Variants in VPS13A observed in about 807,000 individuals in gnomAD.
VPS13A encodes vacuolar protein sorting 13 homolog A, also known as intermembrane lipid transfer protein VPS13A.
A neutral mutation model predicts 390.9 loss-of-function variants in VPS13A; 264 were observed. That is an observed-to-expected ratio of 0.68 (90% confidence interval 0.61 to 0.75). VPS13A has a LOEUF of 0.75. Ranked by LOEUF, VPS13A falls within the 30% of genes least tolerant of loss-of-function variation. VPS13A has a pLI of 0.00. For missense variants in VPS13A, 3,409 were observed against 3,733.9 expected, an observed-to-expected ratio of 0.91 and a Z score of 2.27; for synonymous variants, 1,231 against 1,227.1, an observed-to-expected ratio of 1.00 and a Z score of -0.07.
intron 19 of VPS13A, among the ~76,000 whole-genome samples, chr9:77,246,894 A>G (rs1462910669): frequency 5.3e-5 from 8 of 152,166 alleles, no homozygotes; most frequent in African/African-American, 1.9e-4. Context: ...TGGTAAATGT[A>G]GCTTATGAAG....
intron 68 of VPS13A, among the ~76,000 whole-genome samples, chr9:77,399,843 T>C (rs1205931744): frequency 1.3e-5 from 2 of 152,354 alleles, no homozygotes. Context: ...ACTGCTTATA[T>C]GCACAGATAC....
rs1372970497 is a variant in VPS13A, at chr9:77,407,608, G to A, written c.9474+1G>A. 2 of 1,606,902 alleles carry A rather than the reference G, an allele frequency of 1.2e-6. No individual in the cohort carries two copies. The highest frequency in any genetic ancestry group is 2.2e-5 in the South Asian group (2 of 90,792). ...CTTCAAGACCCCAGAGGATGCCAGG[G>A]TAAATATAATAAATCTTTTATTTAA... is the stretch of plus-strand genomic sequence containing the variant. On this transcript the variant is annotated splice_donor_variant, in intron 71 of 71. Transcript: ENST00000360280. LOFTEE classifies it high-confidence loss of function.
In VPS13A at chr9:77,416,450, A is replaced by T. The variant is rs1835172938; in HGVS notation, c.*444A>T. 5.9e-6 allele frequency: 1 copy of T among 168,918 alleles called. No homozygotes were observed. Among genetic ancestry groups the T allele is most frequent in the Non-Finnish European group, 1.3e-5 (1 of 77,642 alleles). 10.5% of individuals were successfully genotyped at this position (168,918 alleles called of 1,614,324 possible). ...CCCTGAGTGATGGGTAAGAAATCAA[A>T]CATTGCCTCAGTGGTATCAAGAGAA... On this transcript the variant is annotated 3_prime_UTR_variant, in exon 72 of 72. Transcript: ENST00000360280.
intron 50 of VPS13A, among the ~76,000 whole-genome samples, chr9:77,343,907 G>C: frequency 6.6e-6 from 1 of 151,934 alleles, no homozygotes. Flanking sequence ...CTCTTTTCTC[G>C]CCAGCAGTTC....
intron 24 of VPS13A, 151 bp downstream of exon 24, chr9:77,273,515 A>T: frequency 1.6e-6 from 1 of 636,926 alleles, no homozygotes; most frequent in East Asian, 2.8e-5. Context: ...TGAATGGAAG[A>T]CAGATTAACA....
Position 77,421,418 on chromosome 9 carries a change from C to T in VPS13A, c.*5412C>T, listed in dbSNP as rs1041950192. The T allele has an allele frequency of 2.0e-5, 3 of 152,194 alleles. No homozygotes were observed. The highest frequency in any genetic ancestry group is 6.5e-5 in the Admixed American group (1 of 15,272). The allele number at this position is 152,194 out of a possible 1,614,324, so 9.4% of individuals were successfully genotyped here. On this transcript the variant is annotated 3_prime_UTR_variant, in exon 72 of 72. Transcript: ENST00000360280. ...TCTAAAAATTGGTTGGCCATGCTCA[C>T]TAATGATTTTTTTTCTTAACAATAA... is the stretch of plus-strand genomic sequence containing the variant.
intron 19 of VPS13A, among the ~76,000 whole-genome samples, chr9:77,241,668 C>G (rs185970939): frequency 1.3e-5 from 2 of 152,172 alleles, no homozygotes; most frequent in African/African-American, 2.4e-5. Context: ...GGAGAATTCT[C>G]TGAAGCCTGA....
Position 77,314,058 on chromosome 9 carries a change from T to TA in VPS13A, c.4184dup (p.Asn1395LysfsTer7). On this transcript the variant is annotated frameshift_variant, in exon 36 of 72. Coordinates refer to ENST00000360280, the MANE Select transcript of VPS13A (RefSeq NM_033305.3). LOFTEE classifies it high-confidence loss of function. Reference sequence around the variant, plus strand: ...CGTGCCTTACTAGTTAAGACAACACTAAACATAAGCTTCAAAACTGATGAT... The same window carrying TA: ...CGTGCCTTACTAGTTAAGACAACACTAAAACATAAGCTTCAAAACTGATGAT... 1 of 1,613,462 alleles carries TA rather than the reference T, an allele frequency of 6.2e-7. No homozygotes were observed. The highest frequency in any genetic ancestry group is 1.1e-5 in the South Asian group (1 of 91,040).
intron 71 of VPS13A, among the ~76,000 whole-genome samples, chr9:77,410,820 C>T (rs1222752799): frequency 6.6e-6 from 1 of 152,158 alleles, no homozygotes; most frequent in Non-Finnish European, 1.5e-5. Context: ...TACAAAGAGA[C>T]TTAGACTCCC....
chr9:77,358,267 T>G, intron 56 of VPS13A, 90 bp from the exon 57 acceptor site: 3 of 1,218,682 alleles, frequency 2.5e-6, no homozygotes, highest in Non-Finnish European at 3.6e-6. Context: ...CCGCTAGACT[T>G]TTTGATTCTT....
chr9:77,254,319 C>T (rs1362057442), intron 22 of VPS13A, among the ~76,000 whole-genome samples: 3 of 152,154 alleles, frequency 2.0e-5, no homozygotes, highest in African/African-American at 4.8e-5. Flanking sequence ...ATTGAATGGC[C>T]TTGGTACCCT....
At chr9:77,339,999 A>T in intron 48 of VPS13A, 88 bp downstream of exon 48, 1 of 1,498,282 alleles carries the variant, frequency 6.7e-7, no homozygotes, top group Non-Finnish European at 9.1e-7. Flanking sequence ...ATATTATGAA[A>T]CTTGGATAGA....
At chr9:77,199,916 G>A (rs957530886) in intron 1 of VPS13A, 29 bp from the exon 2 acceptor site, 3 of 1,571,562 alleles carry the variant, frequency 1.9e-6, no homozygotes, top group Non-Finnish European at 8.7e-7. Context: ...ATATTTGATT[G>A]TTTGAATCTT....
chr9:77,343,177 G>T (rs1830935725), intron 50 of VPS13A, among the ~76,000 whole-genome samples: 1 of 152,198 alleles, frequency 6.6e-6, no homozygotes, highest in Non-Finnish European at 1.5e-5. Flanking sequence ...CGAATGAAGT[G>T]CCTGGGCTAG....
intron 69 of VPS13A, 135 bp from the exon 70 acceptor site, chr9:77,405,729 T>A: frequency 1.7e-6 from 2 of 1,184,458 alleles, no homozygotes; most frequent in Non-Finnish European, 2.4e-6. Flanking sequence ...TTCTTTTAAA[T>A]TCATTAAGAA....
intron 46 of VPS13A, among the ~76,000 whole-genome samples, chr9:77,335,008 T>A (rs187343153): frequency 1.3e-5 from 2 of 152,040 alleles, no homozygotes; most frequent in African/African-American, 4.8e-5. Context: ...TCTAGCAAAT[T>A]TAAGGTGCCA....
chr9:77,370,745 T>G, intron 65 of VPS13A, 145 bp from the exon 66 acceptor site: 1 of 1,375,204 alleles, frequency 7.3e-7, no homozygotes, highest in Non-Finnish European at 1.0e-6. Flanking sequence ...TCTAAAACAT[T>G]CTGTTTAAAT....
chr9:77,370,153 T>G, intron 63 of VPS13A, 104 bp from the exon 64 acceptor site: 1 of 1,230,754 alleles, frequency 8.1e-7, no homozygotes, highest in East Asian at 2.5e-5. Flanking sequence ...TGGGACAACA[T>G]TATCCATTTT....
intron 68 of VPS13A, among the ~76,000 whole-genome samples, chr9:77,397,408 G>C (rs531891579): frequency 6.6e-6 from 1 of 151,898 alleles, no homozygotes; most frequent in South Asian, 2.1e-4. Flanking sequence ...TTGTTTTGCC[G>C]AACAACATGT....
Sources: allele counts gnomAD v4.1 joint callset (sites outside exome capture counted in the v4.1 genomes callset), GRCh38; gene constraint gnomAD v4.1.1; transcripts MANE v1.5; gene names NCBI Gene and HGNC (gene_info 2026-07-23, HGNC 2026-07-21).